Variants in NKAIN2 observed in about 807,000 individuals in gnomAD.
NKAIN2 encodes the protein sodium/potassium-transporting ATPase subunit beta-1-interacting protein 2.
NKAIN2 carries 14 observed loss-of-function variants against 32.6 expected under a neutral mutation model. That is an observed-to-expected ratio of 0.43 (90% CI 0.28 to 0.67). The LOEUF is 0.67. NKAIN2 is among the 30% of genes least tolerant of loss of function. The pLI, the probability that NKAIN2 is intolerant of heterozygous loss-of-function variation, is 0.17. For missense variants in NKAIN2, 198 were observed against 258.3 expected, an observed-to-expected ratio of 0.77 and a Z score of 1.60; for synonymous variants, 80 against 87.2, an observed-to-expected ratio of 0.92 and a Z score of 0.46.
chr6:124,148,653 ATTTCT>A (rs1787549773), intron 1 of NKAIN2, among the ~76,000 whole-genome samples: 1 of 151,930 alleles, frequency 6.6e-6, no homozygotes, highest in Non-Finnish European at 1.5e-5. Flanking sequence ...TCATTACTTT[ATTTCT>A]TTTCATTATA....
chr6:123,847,068 A>C (rs909523507), intron 1 of NKAIN2, among the ~76,000 whole-genome samples: 2 of 152,338 alleles, frequency 1.3e-5, no homozygotes, highest in Non-Finnish European at 1.5e-5. Flanking sequence ...AAGGCTAATA[A>C]ATTCTAAGTG....
intron 3 of NKAIN2, among the ~76,000 whole-genome samples, chr6:124,553,868 A>T (rs991169311): frequency 6.6e-6 from 1 of 152,184 alleles, no homozygotes; most frequent in African/African-American, 2.4e-5. Context: ...GGTGCTTTCT[A>T]TAACATTATT....
At position 123,985,296 on chromosome 6, in the gene NKAIN2, A is replaced by G. The variant is rs145992914; in HGVS notation, c.54+181042A>G. ...GTGCCTGTAATCCCAGCTACTCGGG[A>G]GGCTGAGGCAGGAGAATTGCTTAAA... On this transcript the variant is annotated intron_variant, in intron 1 of 6. Transcript: ENST00000368417. Among the ~76,000 whole-genome samples, 821 of 152,222 alleles carry G rather than the reference A, an allele frequency of 5.4e-3. 7 individuals carry two copies. Among genetic ancestry groups the G allele is most frequent in the African/African-American group, 0.019 (778 of 41,558 alleles).
chr6:124,037,697 C>A (rs958370065), intron 1 of NKAIN2, among the ~76,000 whole-genome samples: 1 of 151,950 alleles, frequency 6.6e-6, no homozygotes, highest in African/African-American at 2.4e-5. Flanking sequence ...AACATTTGTC[C>A]GAAGACTACA....
chr6:124,181,927 A>G (rs1215074595), intron 1 of NKAIN2, among the ~76,000 whole-genome samples: 4 of 152,150 alleles, frequency 2.6e-5, no homozygotes, highest in Non-Finnish European at 5.9e-5. Context: ...AGTCACTTCC[A>G]CATTTTCAGT....
At chr6:124,629,963 C>G (rs368879455) in intron 3 of NKAIN2, among the ~76,000 whole-genome samples, 1 of 151,962 alleles carries the variant, frequency 6.6e-6, no homozygotes. Context: ...GGTTGGGTAG[C>G]GAAGGACTAC....
intron 3 of NKAIN2, among the ~76,000 whole-genome samples, chr6:124,470,545 G>T (rs898592203): frequency 1.3e-5 from 2 of 151,998 alleles, no homozygotes; most frequent in Non-Finnish European, 2.9e-5. Flanking sequence ...TGAATGTATT[G>T]AACACACAGC....
chr6:124,267,278 A>C (rs1794536028), intron 1 of NKAIN2, among the ~76,000 whole-genome samples: 1 of 152,166 alleles, frequency 6.6e-6, no homozygotes, highest in Admixed American at 6.6e-5. Flanking sequence ...GTTTTCATGA[A>C]AGATATCAAA....
At chr6:124,626,712 T>C (rs1360852225) in intron 3 of NKAIN2, among the ~76,000 whole-genome samples, 2 of 151,988 alleles carry the variant, frequency 1.3e-5, no homozygotes. Flanking sequence ...GTGTTGGGGG[T>C]ATATTCAGGG....
At chr6:124,545,343 C>T (rs1206074523) in intron 3 of NKAIN2, among the ~76,000 whole-genome samples, 1 of 152,060 alleles carries the variant, frequency 6.6e-6, no homozygotes, top group Non-Finnish European at 1.5e-5. Context: ...CCTTTTCTCC[C>T]TATTAAAACT....
chr6:124,133,580 CAATA>C (rs1216167178), intron 1 of NKAIN2, among the ~76,000 whole-genome samples: 2 of 152,056 alleles, frequency 1.3e-5, no homozygotes, highest in East Asian at 3.9e-4. Flanking sequence ...ATCATCAACT[CAATA>C]AATAAACACC....
At chr6:123,826,188 A>G (rs1774139546) in intron 1 of NKAIN2, among the ~76,000 whole-genome samples, 1 of 152,150 alleles carries the variant, frequency 6.6e-6, no homozygotes, top group African/African-American at 2.4e-5. Context: ...ACTCTGGGAA[A>G]AGAGAGATTT....
chr6:124,603,675 T>C (rs920147388), intron 3 of NKAIN2, among the ~76,000 whole-genome samples: 1 of 151,950 alleles, frequency 6.6e-6, no homozygotes, highest in African/African-American at 2.4e-5. Context: ...TTCTGTTATA[T>C]GTAAATAGGG....
At chr6:124,791,965 T>G (rs923437443) in intron 5 of NKAIN2, among the ~76,000 whole-genome samples, 1 of 152,140 alleles carries the variant, frequency 6.6e-6, no homozygotes, top group Non-Finnish European at 1.5e-5. Flanking sequence ...TGAGACATAT[T>G]GCTTGATCCA....
chr6:124,016,110 TTACCA>T (rs1780562115), intron 1 of NKAIN2, among the ~76,000 whole-genome samples: 2 of 152,184 alleles, frequency 1.3e-5, no homozygotes, highest in Non-Finnish European at 2.9e-5. Context: ...GGAATATTAC[TTACCA>T]TTTTATAAAT....
intron 1 of NKAIN2, among the ~76,000 whole-genome samples, chr6:124,100,373 C>T (rs234471): frequency 0.63 from 96,538 of 152,146 alleles, 30,831 homozygotes; most frequent in East Asian, 0.73. Flanking sequence ...AGAGTATACA[C>T]AGATATGATT....
At chr6:124,241,818 A>T (rs886698400) in intron 1 of NKAIN2, among the ~76,000 whole-genome samples, 4 of 152,072 alleles carry the variant, frequency 2.6e-5, no homozygotes, top group Non-Finnish European at 4.4e-5. Context: ...TTTTTTTAAA[A>T]GTACTATCAT....
intron 3 of NKAIN2, among the ~76,000 whole-genome samples, chr6:124,620,974 C>T (rs568446104): frequency 1.3e-3 from 195 of 152,240 alleles, no homozygotes; most frequent in African/African-American, 4.6e-3. Flanking sequence ...GTAAAAGTTG[C>T]TTTTTTCTCT....
Position 124,774,087 on chromosome 6 carries a change from A to G in NKAIN2, c.475-17252A>G, listed in dbSNP as rs532420663. Among the ~76,000 whole-genome samples, 3 of 152,312 alleles carry G rather than the reference A, an allele frequency of 2.0e-5. No homozygotes were observed. The East Asian group carries it at 5.8e-4, about 29-fold the overall frequency. ...GTCATGGAAGATTTTGAACAAAAGA[A>G]TGACATGATCAGACTTACATTCTTA... On this transcript the variant is annotated intron_variant, in intron 4 of 6. Transcript: ENST00000368417.
Sources: allele counts gnomAD v4.1 joint callset (sites outside exome capture counted in the v4.1 genomes callset), GRCh38; gene constraint gnomAD v4.1.1; transcripts MANE v1.5; gene names NCBI Gene and HGNC (gene_info 2026-07-23, HGNC 2026-07-21).